The following OR2A14 variants were observed in gnomAD, a reference collection of about 807,000 sequenced individuals.
The protein encoded by OR2A14 is olfactory receptor family 2 subfamily A member 14, also known as olfactory receptor 2A14.
In OR2A14, 2 loss-of-function variants were observed where a neutral mutation model predicts 2.4. The ratio of observed to expected loss-of-function variants is 0.85; its 90% CI spans 0.35 to 2.67. The LOEUF is 2.67. Ranked by LOEUF, OR2A14 falls within the 30% of genes most tolerant of loss-of-function variation. The probability of loss-of-function intolerance (pLI) is 0.10; values close to 1 mark genes in which losing one functional copy is unlikely to be tolerated. For synonymous variants in OR2A14, 160 were observed against 156.3 expected (o/e 1.02, Z -0.18); for missense variants, 390 against 379.4 (o/e 1.03, Z -0.23).
At position 144,130,074 on chromosome 7, in the gene OR2A14, A is replaced by T; in HGVS notation, c.*29A>T. The T allele has an allele frequency of 6.5e-7, 1 of 1,544,176 alleles. No individual in the cohort carries two copies. Among genetic ancestry groups the T allele is most frequent in the South Asian group, 1.2e-5 (1 of 82,814 alleles). On this transcript the variant is annotated 3_prime_UTR_variant, in exon 2 of 2. Transcript: ENST00000641068. ...ATCTCAAAGGGAACCATGGGGAGGG[A>T]GCCTTGCTCCCTGCAAAATATAGAA... is the stretch of plus-strand genomic sequence containing the variant.
chr7:144,130,276 T>G lies in OR2A14; in HGVS notation c.*231T>G, dbSNP rs901353560. On this transcript the variant is annotated 3_prime_UTR_variant, in exon 2 of 2. Transcript: ENST00000641068. ...ACACAAAAGTCCCTAGATATAAAAT[T>G]TTTAAGTTCGATAAATATAGGACCT... is the stretch of plus-strand genomic sequence containing the variant. The G allele has an allele frequency of 8.0e-6, 3 of 375,276 alleles. No individual in the cohort carries two copies. The highest frequency in any genetic ancestry group is 1.2e-4 in the South Asian group (2 of 17,026). The allele number at this position is 375,276 out of a possible 1,614,324, so 23.2% of individuals were successfully genotyped here.
chr7:144,129,971 C>G lies in OR2A14; in HGVS notation c.859C>G (p.Leu287Val), dbSNP rs1019240675. 4 of 1,614,054 alleles carry G rather than the reference C, an allele frequency of 2.5e-6. No individual in the cohort carries two copies. The highest frequency in any genetic ancestry group is 3.4e-6 in the Non-Finnish European group (4 of 1,180,022). ...CCTTTTCAATCCAATGCTGAACCCC[C>G]TGATATATAGCCTAAGGAATGCAGA... ...YSLFNPMLNP[L>V]IYSLRNAEVK... Residue 287 changes from leucine (L) to valine (V), a missense_variant, in exon 2 of 2, where the codon CTG (leucine) becomes GTG (valine). Transcript: ENST00000641068.
At chr7:144,125,875 T>C (rs1013536686) in intron 1 of OR2A14, among the ~76,000 whole-genome samples, 3 of 152,244 alleles carry the variant, frequency 2.0e-5, no homozygotes, top group Non-Finnish European at 4.4e-5. Context: ...CAATTGTATT[T>C]ATTTGGTAAT....
chr7:144,127,756 A>G (rs1225284043), intron 1 of OR2A14, among the ~76,000 whole-genome samples: 1 of 152,228 alleles, frequency 6.6e-6, no homozygotes, highest in African/African-American at 2.4e-5. Flanking sequence ...TTTTAAAAGT[A>G]TCCTGTTGGA....
intron 1 of OR2A14, among the ~76,000 whole-genome samples, chr7:144,124,474 A>AAC (rs2051467966): frequency 6.6e-6 from 1 of 151,634 alleles, no homozygotes; most frequent in African/African-American, 2.4e-5. Context: ...AAAAAAAAAA[A>AAC]AAAAAAAACT....
At chr7:144,124,357 G>C (rs1192505558) in intron 1 of OR2A14, among the ~76,000 whole-genome samples, 1 of 151,752 alleles carries the variant, frequency 6.6e-6, no homozygotes, top group Admixed American at 6.6e-5. Context: ...AGCTACTTGG[G>C]GAGCTGAGGC....
Position 144,130,423 on chromosome 7 carries a change from C to T in OR2A14, c.*378C>T, listed in dbSNP as rs1586917758. 6.2e-6 allele frequency: 1 copy of T among 161,846 alleles called. No homozygotes were observed. Among genetic ancestry groups the T allele is most frequent in the East Asian group, 1.8e-4 (1 of 5,584 alleles). 10.0% of individuals were successfully genotyped at this position (161,846 alleles called of 1,614,324 possible). A position where few individuals can be genotyped will look rare whatever the true frequency, so the allele number is the denominator to read the frequency against. On this transcript the variant is annotated 3_prime_UTR_variant, in exon 2 of 2. Transcript: ENST00000641068. Reference sequence around the variant, plus strand: ...AAATGGAACTATTGTTCATACAGTACATAGAAAGAACTCCTTTAAATCAGC... The same window carrying T: ...AAATGGAACTATTGTTCATACAGTATATAGAAAGAACTCCTTTAAATCAGC...
In OR2A14 at chr7:144,129,920, C is replaced by T; in HGVS notation, c.808C>T (p.Gln270Ter). The T allele has an allele frequency of 1.2e-6, 2 of 1,614,198 alleles. No homozygotes were observed. Among genetic ancestry groups the T allele is most frequent in the Non-Finnish European group, 1.7e-6 (2 of 1,180,024 alleles). The change falls in exon 2 of 2, where the codon CAG becomes TAG. Residue 270 changes from glutamine to a stop codon, truncating the protein, a stop_gained. Transcript: ENST00000641068. LOFTEE classifies it high-confidence loss of function. ...APKSRHPEEQ[Q>*]KVLSLFYSLF... ...CAAGTCCCGCCATCCTGAGGAGCAG[C>T]AGAAAGTTCTTTCCCTGTTTTACAG... is the stretch of plus-strand genomic sequence containing the variant.
In OR2A14 at chr7:144,129,617, G is replaced by A. The variant is rs191249879; in HGVS notation, c.505G>A (p.Gly169Arg). 8.9e-5 allele frequency: 142 copies of A among 1,591,982 alleles called. No individual in the cohort carries two copies. Among genetic ancestry groups the A allele is most frequent in the Middle Eastern group, 5.0e-4 (3 of 6,012 alleles). The change falls in exon 2 of 2, where the codon GGG (glycine) becomes AGG (arginine). Residue 169 changes from glycine (G) to arginine (R), a missense_variant. Transcript: ENST00000641068. ...TCTCATCCTGAGCCTGCCCTTCTGC[G>A]GGCCTCATGAAATCAACCACTTCTT... ...LVLILSLPFC[G>R]PHEINHFFCE... is the part of the protein sequence containing the mutation.
Position 144,129,125 on chromosome 7 carries a change from A to G in OR2A14, c.13A>G (p.Lys5Glu). 1 of 1,613,024 alleles carries G rather than the reference A, an allele frequency of 6.2e-7. No homozygotes were observed. The highest frequency in any genetic ancestry group is 8.5e-7 in the Non-Finnish European group (1 of 1,179,212). Residue 5 changes from lysine to glutamate, a missense_variant, in exon 2 of 2, where the codon AAG becomes GAG. Lys to Glu is a moderately conservative substitution (Grantham distance 56, BLOSUM62 1). Coordinates refer to ENST00000641068, the MANE Select transcript of OR2A14 (RefSeq NM_001001659.3). MEGN[K>E]TWITDITLPR... ...TGTCCACAAGAGCATGGAAGGCAAC[A>G]AGACATGGATCACAGACATCACCTT...
At chr7:144,126,895 C>T (rs1352683757) in intron 1 of OR2A14, among the ~76,000 whole-genome samples, 4 of 152,040 alleles carry the variant, frequency 2.6e-5, no homozygotes, top group Non-Finnish European at 5.9e-5. Context: ...TGAACATGCT[C>T]CTGATACCTT....
intron 1 of OR2A14, among the ~76,000 whole-genome samples, chr7:144,124,945 A>T (rs1030206811): frequency 2.0e-5 from 3 of 152,230 alleles, no homozygotes; most frequent in African/African-American, 7.2e-5. Context: ...ATAAACGTGA[A>T]AGTGTTTGCA....
chr7:144,123,529 T>C (rs114190985), intron 1 of OR2A14, among the ~76,000 whole-genome samples: 1,721 of 152,324 alleles, frequency 0.011, 25 homozygotes, highest in African/African-American at 0.04. Context: ...AGCTCCTGGC[T>C]TTGTCATCAC....
At position 144,129,359 on chromosome 7, in the gene OR2A14, A is replaced by G. The variant is rs368727829; in HGVS notation, c.247A>G (p.Asn83Asp). 4 of 1,614,032 alleles carry G rather than the reference A, an allele frequency of 2.5e-6. No individual in the cohort carries two copies. Among genetic ancestry groups the G allele is most frequent in the African/African-American group, 1.3e-5 (1 of 74,914 alleles). The change falls in exon 2 of 2, where the codon AAT (asparagine) becomes GAT (aspartate). Residue 83 changes from asparagine to aspartate, a missense_variant. Coordinates refer to ENST00000641068, the MANE Select transcript of OR2A14 (RefSeq NM_001001659.3). ...ASNYVPKMLT[N>D]LMNQESTISF... ...CAACTATGTCCCCAAGATGCTGACG[A>G]ATCTTATGAACCAGGAAAGCACCAT... is the stretch of plus-strand genomic sequence containing the variant.
At chr7:144,127,886 G>A (rs1458136314) in intron 1 of OR2A14, among the ~76,000 whole-genome samples, 1 of 152,176 alleles carries the variant, frequency 6.6e-6, no homozygotes, top group East Asian at 1.9e-4. Context: ...GAGGCCATCC[G>A]TCCTGTTCAT....
chr7:144,125,786 C>T (rs575302149), intron 1 of OR2A14, among the ~76,000 whole-genome samples: 9 of 152,194 alleles, frequency 5.9e-5, no homozygotes, highest in Admixed American at 4.6e-4. Flanking sequence ...TTTTTTTCCC[C>T]GAAATTCCTT....
In OR2A14 at chr7:144,129,447, T is replaced by C; in HGVS notation, c.335T>C (p.Leu112Pro). ...LYLAFAHVEC[L>P]ILVVMSYDRY... ...TTGGCTTTTGCTCACGTAGAGTGTC[T>C]GATTTTGGTGGTGATGTCCTATGAT... Residue 112 changes from leucine (L) to proline (P), a missense_variant, in exon 2 of 2, where the codon CTG becomes CCG. Coordinates refer to ENST00000641068, the MANE Select transcript of OR2A14 (RefSeq NM_001001659.3). The C allele has an allele frequency of 6.2e-7, 1 of 1,614,140 alleles. No homozygotes were observed. Among genetic ancestry groups the C allele is most frequent in the South Asian group, 1.1e-5 (1 of 91,080 alleles).
chr7:144,123,477 C>T (rs1040860436), intron 1 of OR2A14, among the ~76,000 whole-genome samples: 2 of 152,122 alleles, frequency 1.3e-5, no homozygotes, highest in African/African-American at 4.8e-5. Flanking sequence ...TACCTCTGAC[C>T]TTCTCGGCCC....
Position 144,130,117 on chromosome 7 carries a change from G to C in OR2A14, c.*72G>C. 1 of 1,067,320 alleles carries C rather than the reference G, an allele frequency of 9.4e-7. No homozygotes were observed. Among genetic ancestry groups the C allele is most frequent in the Non-Finnish European group, 1.4e-6 (1 of 736,846 alleles). The allele number at this position is 1,067,320 out of a possible 1,614,324, so 66.1% of individuals were successfully genotyped here. A position where few individuals can be genotyped will look rare whatever the true frequency, so the allele number is the denominator to read the frequency against. On this transcript the variant is annotated 3_prime_UTR_variant, in exon 2 of 2. Transcript: ENST00000641068. ...ATATAGAAGTTGGCTTTTTTTTTTT[G>C]TCTTCTGCTAGAATAAATGCTACCT...
Sources: allele counts gnomAD v4.1 joint callset (sites outside exome capture counted in the v4.1 genomes callset), GRCh38; gene constraint gnomAD v4.1.1; transcripts MANE v1.5; gene names NCBI Gene and HGNC (gene_info 2026-07-23, HGNC 2026-07-21).